MAF: variants seen among roughly 807,000 people sequenced by gnomAD.
MAF encodes the protein transcription factor Maf.
Under a neutral mutation model 22.0 loss-of-function variants are expected in MAF, and 10 were observed. The ratio of observed to expected loss-of-function variants is 0.45; its 90% CI spans 0.28 to 0.77. The LOEUF (loss-of-function observed/expected upper bound fraction) is 0.77, where lower values mean the gene tolerates loss of function less well. MAF is among the 30% of genes least tolerant of loss of function. MAF has a pLI of 0.12. For missense variants in MAF, 544 were observed against 548.4 expected, an observed-to-expected ratio of 0.99 and a Z score of 0.08; for synonymous variants, 337 against 255.8, an observed-to-expected ratio of 1.32 and a Z score of -3.03.
At chr16:79,507,372 TC>T in the MAF span, among the ~76,000 whole-genome samples, 33 of 152,052 alleles carry the variant, frequency 2.2e-4, no homozygotes, top group Non-Finnish European at 4.7e-4. Context: ...TGCCTTGGCC[TC>T]CCAAAGTGCT....
chr16:79,508,052 G>A, the MAF span, among the ~76,000 whole-genome samples: 1 of 152,122 alleles, frequency 6.6e-6, no homozygotes, highest in Non-Finnish European at 1.5e-5. Flanking sequence ...GACTAGATTT[G>A]CAGCAGGAAA....
At chr16:79,580,872 C>T (rs572448477), downstream of MAF, among the ~76,000 whole-genome samples, 3 of 151,542 alleles carry the variant, frequency 2.0e-5, no homozygotes, top group East Asian at 5.8e-4. Flanking sequence ...AAACCAATAC[C>T]AAATAAACAA....
chr16:79,420,396 G>A, the MAF span, among the ~76,000 whole-genome samples: 2 of 152,156 alleles, frequency 1.3e-5, no homozygotes, highest in Non-Finnish European at 2.9e-5. Context: ...ATGTTGACAC[G>A]CCCTTCCCAC....
At chr16:79,429,420 C>A in the MAF span, among the ~76,000 whole-genome samples, 1 of 152,190 alleles carries the variant, frequency 6.6e-6, no homozygotes, top group Non-Finnish European at 1.5e-5. Context: ...CGTTTTCTGT[C>A]CCTTGGCAGG....
chr16:79,595,239 A>C (rs537236524), intron 1 of MAF: 8 of 1,045,264 alleles, frequency 7.7e-6, no homozygotes, highest in South Asian at 9.2e-5. Context: ...TGGATTCAGG[A>C]GCCTGTCTAA....
chr16:79,585,483 C>T (rs1161999521), downstream of MAF, among the ~76,000 whole-genome samples: 2 of 151,982 alleles, frequency 1.3e-5, no homozygotes, highest in Admixed American at 6.6e-5. Flanking sequence ...ATACTAGTTT[C>T]ACAGATTCAC....
At chr16:79,533,192 G>A in the MAF span, among the ~76,000 whole-genome samples, 19 of 152,110 alleles carry the variant, frequency 1.2e-4, no homozygotes, top group Admixed American at 7.9e-4. Flanking sequence ...TGCCTTAAAG[G>A]GCTCTACTCT....
the MAF span, among the ~76,000 whole-genome samples, chr16:79,278,542 C>A: frequency 0.011 from 1,670 of 152,298 alleles, 31 homozygotes; most frequent in African/African-American, 0.038. Flanking sequence ...AACGAAGAGG[C>A]CCTTGACTTT....
chr16:79,216,453 A>G, the MAF span, among the ~76,000 whole-genome samples: 1 of 152,230 alleles, frequency 6.6e-6, no homozygotes, highest in South Asian at 2.1e-4. Flanking sequence ...AGTGATATTC[A>G]GTAGAAACTG....
the MAF span, among the ~76,000 whole-genome samples, chr16:79,368,937 T>C: frequency 6.6e-6 from 1 of 152,174 alleles, no homozygotes; most frequent in African/African-American, 2.4e-5. Context: ...CACTTTTATA[T>C]ACCATAAGTT....
the MAF span, among the ~76,000 whole-genome samples, chr16:79,569,287 G>C: frequency 6.6e-6 from 1 of 152,174 alleles, no homozygotes; most frequent in Non-Finnish European, 1.5e-5. Flanking sequence ...CCCCTGCCTT[G>C]AGTCTTGGCA....
chr16:79,475,210 G>A, the MAF span, among the ~76,000 whole-genome samples: 1 of 152,108 alleles, frequency 6.6e-6, no homozygotes, highest in Non-Finnish European at 1.5e-5. Context: ...ATTATCCGTT[G>A]CTAACACTCT....
chr16:79,515,641 A>G, the MAF span, among the ~76,000 whole-genome samples: 1 of 152,184 alleles, frequency 6.6e-6, no homozygotes. Flanking sequence ...TCTTAAGTTG[A>G]GAAGCGTCTG....
chr16:79,230,782 ATG>A, the MAF span, among the ~76,000 whole-genome samples: 2 of 152,092 alleles, frequency 1.3e-5, no homozygotes, highest in African/African-American at 4.8e-5. Context: ...CCTGAACAAA[ATG>A]TACTTATTGC....
the MAF span, among the ~76,000 whole-genome samples, chr16:79,333,880 C>G: frequency 6.6e-6 from 1 of 152,274 alleles, no homozygotes; most frequent in African/African-American, 2.4e-5. Context: ...TCACCTGGAT[C>G]TGGTGATACC....
At chr16:79,439,281 A>ATTT in the MAF span, among the ~76,000 whole-genome samples, 2 of 90,560 alleles carry the variant, frequency 2.2e-5, no homozygotes, top group African/African-American at 4.8e-5. Context: ...TTTTTTTTTG[A>ATTT]GACGGAGTCT....
chr16:79,413,236 T>G, the MAF span, among the ~76,000 whole-genome samples: 12 of 82,056 alleles, frequency 1.5e-4, no homozygotes, highest in African/African-American at 3.1e-4. Flanking sequence ...TTTTTTTTTT[T>G]TTTTTTTTTT....
chr16:79,442,637 C>G, the MAF span, among the ~76,000 whole-genome samples: 2 of 152,186 alleles, frequency 1.3e-5, no homozygotes, highest in African/African-American at 4.8e-5. Context: ...GCCTCAGACT[C>G]CTGGGTTCAA....
chr16:79,508,730 A>G, the MAF span, among the ~76,000 whole-genome samples: 12 of 152,350 alleles, frequency 7.9e-5, 1 homozygote, highest in South Asian at 4.1e-4. Context: ...CATGGACCTC[A>G]AAAACATTAT....
Sources: gnomAD v4.1 joint callset for allele counts (sites outside exome capture counted in the v4.1 genomes callset) on GRCh38, gnomAD v4.1.1 for gene constraint, MANE v1.5 for transcripts, NCBI Gene and HGNC (gene_info 2026-07-23, HGNC 2026-07-21) for gene names.